SSPN: variants seen among roughly 807,000 people sequenced by gnomAD.
The protein encoded by SSPN is sarcospan.
Under a neutral mutation model 19.1 loss-of-function variants are expected in SSPN, and 15 were observed. The ratio of observed to expected loss-of-function variants is 0.78; its 90% CI spans 0.52 to 1.21. The LOEUF (loss-of-function observed/expected upper bound fraction) is 1.21. Among genes scored for constraint, SSPN ranks in the 50% most tolerant of loss-of-function variants. SSPN has a pLI of 0.00. For missense variants in SSPN, 291 were observed against 314.0 expected (o/e 0.93, Z 0.55); for synonymous variants, 147 against 140.3 (o/e 1.05, Z -0.34).
At chr12:26,162,576 T>A (rs1229715084) in intron 1 of SSPN, among the ~76,000 whole-genome samples, 1 of 152,252 alleles carries the variant, frequency 6.6e-6, no homozygotes, top group Non-Finnish European at 1.5e-5. Flanking sequence ...GGTCTATGAA[T>A]GAAACCGCTC....
chr12:26,185,930 C>T (rs1944751051), intron 1 of SSPN, among the ~76,000 whole-genome samples: 2 of 152,182 alleles, frequency 1.3e-5, no homozygotes, highest in Non-Finnish European at 2.9e-5. Context: ...AGGGCAGGAA[C>T]CTGCCTTTTT....
chr12:26,199,329 A>G (rs1944857544), intron 1 of SSPN, among the ~76,000 whole-genome samples: 1 of 152,346 alleles, frequency 6.6e-6, no homozygotes, highest in Non-Finnish European at 1.5e-5. Context: ...CCAATCCCCA[A>G]TCAAAAGATG....
chr12:26,208,020 G>A (rs926977637), intron 1 of SSPN, among the ~76,000 whole-genome samples: 3 of 43,334 alleles, frequency 6.9e-5, no homozygotes, highest in South Asian at 1.5e-3. Flanking sequence ...GGTGGTGGTG[G>A]GGGGGGGGGA....
intron 1 of SSPN, among the ~76,000 whole-genome samples, chr12:26,190,061 C>A (rs558994382): frequency 1.3e-5 from 2 of 152,270 alleles, no homozygotes; most frequent in African/African-American, 4.8e-5. Flanking sequence ...TTTAAGAGAT[C>A]AGCAAAGGAA....
intron 1 of SSPN, among the ~76,000 whole-genome samples, chr12:26,205,406 G>A (rs1944922796): frequency 2.0e-5 from 3 of 152,282 alleles, no homozygotes; most frequent in African/African-American, 7.2e-5. Context: ...TTTGACGAGC[G>A]AGAGAATTTT....
chr12:26,170,245 T>C (rs1944646329), intron 1 of SSPN, among the ~76,000 whole-genome samples: 1 of 152,232 alleles, frequency 6.6e-6, no homozygotes, highest in East Asian at 1.9e-4. Context: ...TGTGAGTGAA[T>C]ATTCTTTGTA....
intron 1 of SSPN, among the ~76,000 whole-genome samples, chr12:26,126,792 GA>G (rs900993099): frequency 1.1e-4 from 16 of 152,378 alleles, no homozygotes; most frequent in African/African-American, 3.8e-4. Context: ...CATCTGTTTA[GA>G]GGGCCTTTTA....
intron 1 of SSPN, among the ~76,000 whole-genome samples, chr12:26,142,120 G>T (rs1198080760): frequency 2.0e-5 from 3 of 152,134 alleles, no homozygotes; most frequent in Non-Finnish European, 4.4e-5. Context: ...GTTATGCTGG[G>T]CCTAAAATGA....
chr12:26,135,868 A>G (rs887841453), intron 1 of SSPN, among the ~76,000 whole-genome samples: 3 of 152,130 alleles, frequency 2.0e-5, no homozygotes, highest in Non-Finnish European at 4.4e-5. Context: ...GTCATTGGAT[A>G]ATGGCACTAC....
At chr12:26,122,955 C>T (rs544770656) in intron 1 of SSPN, 3 of 1,558,452 alleles carry the variant, frequency 1.9e-6, no homozygotes, top group Admixed American at 1.9e-5. Context: ...GGTGCCTTTG[C>T]TCAGAGGGAC....
At chr12:26,220,598 T>C (rs1945109973) in intron 1 of SSPN, among the ~76,000 whole-genome samples, 1 of 152,208 alleles carries the variant, frequency 6.6e-6, no homozygotes, top group African/African-American at 2.4e-5. Flanking sequence ...TTTCCTATGG[T>C]GTCAATTGCT....
intron 1 of SSPN, among the ~76,000 whole-genome samples, chr12:26,197,074 A>C (rs1944836644): frequency 6.6e-6 from 1 of 152,228 alleles, no homozygotes; most frequent in Admixed American, 6.5e-5. Flanking sequence ...GACATTCTCA[A>C]GCCCAGAGAT....
At chr12:26,171,282 T>C (rs1448877820) in intron 1 of SSPN, among the ~76,000 whole-genome samples, 1 of 152,238 alleles carries the variant, frequency 6.6e-6, no homozygotes, top group Non-Finnish European at 1.5e-5. Flanking sequence ...TTGTAATAGC[T>C]ATAACACTGC....
Position 26,195,961 on chromosome 12 carries a change from A to T in SSPN, c.279+10A>T. 6.7e-7 allele frequency: 1 copy of T among 1,485,068 alleles called. No individual in the cohort carries two copies. The highest frequency in any genetic ancestry group is 8.9e-7 in the Non-Finnish European group (1 of 1,117,566). The allele number at this position is 1,485,068 out of a possible 1,614,324, so 92.0% of individuals were successfully genotyped here. A position where few individuals can be genotyped will look rare whatever the true frequency, so the allele number is the denominator to read the frequency against. On this transcript the variant is annotated intron_variant, in intron 1 of 2. Coordinates refer to ENST00000242729, the MANE Select transcript of SSPN (RefSeq NM_005086.5). ...TTGGGCTGGGATCATTGTAAGCATC[A>T]AGTCTGTTTTGCCTAAGCGCGTTTG...
chr12:26,143,330 A>G (rs1445010042), intron 1 of SSPN, among the ~76,000 whole-genome samples: 1 of 152,214 alleles, frequency 6.6e-6, no homozygotes, highest in African/African-American at 2.4e-5. Flanking sequence ...CGTGCTTATT[A>G]TGTTCCAGGT....
chr12:26,229,906 A>T (rs1945212679), intron 2 of SSPN, among the ~76,000 whole-genome samples: 1 of 152,220 alleles, frequency 6.6e-6, no homozygotes, highest in African/African-American at 2.4e-5. Context: ...GTGTAAGCTA[A>T]ATCCCTAAAT....
At chr12:26,213,248 T>C (rs890969472) in intron 1 of SSPN, among the ~76,000 whole-genome samples, 1 of 150,230 alleles carries the variant, frequency 6.7e-6, no homozygotes, top group Admixed American at 6.7e-5. Flanking sequence ...TAGTAGATTA[T>C]ATATAGGTTT....
chr12:26,147,564 CCCAG>C (rs1944500410), intron 1 of SSPN, among the ~76,000 whole-genome samples: 2 of 152,266 alleles, frequency 1.3e-5, no homozygotes, highest in Admixed American at 1.3e-4. Context: ...AGCCACCACG[CCCAG>C]CCCAGCAATA....
At chr12:26,123,757 A>C (rs1398629599) in intron 1 of SSPN, 1 of 1,544,378 alleles carries the variant, frequency 6.5e-7, no homozygotes, top group East Asian at 2.2e-5. Flanking sequence ...GTGGTGCAAA[A>C]AAGAAACGGG....
Sources: gnomAD v4.1 joint callset for allele counts (sites outside exome capture counted in the v4.1 genomes callset) on GRCh38, gnomAD v4.1.1 for gene constraint, MANE v1.5 for transcripts, NCBI Gene and HGNC (gene_info 2026-07-23, HGNC 2026-07-21) for gene names.